The following TMPRSS15 variants were observed in gnomAD, a reference collection of about 807,000 sequenced individuals.
TMPRSS15 encodes the protein transmembrane serine protease 15.
In TMPRSS15, 128 loss-of-function variants were observed where a neutral mutation model predicts 125.3. The ratio of observed to expected loss-of-function variants is 1.02; its 90% CI spans 0.89 to 1.18. The LOEUF (loss-of-function observed/expected upper bound fraction) is 1.18, where lower values mean the gene tolerates loss of function less well. Ranked by LOEUF, TMPRSS15 falls within the 50% of genes most tolerant of loss-of-function variation. The pLI is 0.00. For missense variants in TMPRSS15, 1,283 were observed against 1,212.7 expected, an observed-to-expected ratio of 1.06 and a Z score of -0.86; for synonymous variants, 446 against 423.2, an observed-to-expected ratio of 1.05 and a Z score of -0.66.
At chr21:18,466,404 G>A (rs1361110341) in intron 1 of TMPRSS15, among the ~76,000 whole-genome samples, 2 of 151,716 alleles carry the variant, frequency 1.3e-5, no homozygotes, top group Non-Finnish European at 2.9e-5. Flanking sequence ...AAGCCAAAAT[G>A]GACAAATGGG....
chr21:18,353,939 A>G (rs753268253), intron 8 of TMPRSS15, 76 bp from the exon 9 acceptor site: 4 of 1,403,652 alleles, frequency 2.8e-6, no homozygotes, highest in Non-Finnish European at 4.0e-6. Flanking sequence ...CAGTCCATCT[A>G]CTGAACTATC....
At chr21:18,401,495 C>T (rs562804901) in intron 1 of TMPRSS15, among the ~76,000 whole-genome samples, 12 of 152,056 alleles carry the variant, frequency 7.9e-5, no homozygotes, top group African/African-American at 2.9e-4. Context: ...AAAACAAATA[C>T]CACATGTTCT....
At chr21:18,468,245 A>G (rs539524728) in intron 1 of TMPRSS15, among the ~76,000 whole-genome samples, 2 of 152,200 alleles carry the variant, frequency 1.3e-5, no homozygotes, top group Admixed American at 6.5e-5. Context: ...TCCTTTTGTG[A>G]TATCAGTGAA....
At chr21:18,349,197 T>C (rs932430699) in intron 10 of TMPRSS15, among the ~76,000 whole-genome samples, 1 of 152,220 alleles carries the variant, frequency 6.6e-6, no homozygotes, top group Non-Finnish European at 1.5e-5. Context: ...ATTTCTGAAG[T>C]TTCCACATAT....
chr21:18,422,349 A>C (rs2824818), intron 1 of TMPRSS15, among the ~76,000 whole-genome samples: 62,750 of 151,580 alleles, frequency 0.41, 13,408 homozygotes, highest in Middle Eastern at 0.5. Flanking sequence ...TGACTTGATA[A>C]TTTACCTTCT....
intron 1 of TMPRSS15, among the ~76,000 whole-genome samples, chr21:18,412,505 A>C (rs1426161583): frequency 2.0e-5 from 3 of 152,192 alleles, no homozygotes; most frequent in Non-Finnish European, 4.4e-5. Flanking sequence ...CCAAGTAAAA[A>C]TTTGCATTTC....
intron 8 of TMPRSS15, among the ~76,000 whole-genome samples, chr21:18,354,780 C>T (rs1053138474): frequency 1.3e-5 from 2 of 151,634 alleles, no homozygotes; most frequent in Admixed American, 6.6e-5. Context: ...ACAAACAATG[C>T]ATTAGCATTT....
chr21:18,402,993 T>C (rs2076111040), intron 1 of TMPRSS15, among the ~76,000 whole-genome samples: 1 of 152,228 alleles, frequency 6.6e-6, no homozygotes, highest in African/African-American at 2.4e-5. Context: ...ATCCAAGTTA[T>C]TTTATATTAG....
At chr21:18,380,650 T>A in intron 4 of TMPRSS15, 5 of 461,542 alleles carry the variant, frequency 1.1e-5, no homozygotes, top group Non-Finnish European at 2.3e-5. Context: ...AAACATTGAG[T>A]ACACCTTGAA....
chr21:18,346,974 A>G (rs2075515615), intron 10 of TMPRSS15, among the ~76,000 whole-genome samples: 2 of 152,214 alleles, frequency 1.3e-5, no homozygotes, highest in Non-Finnish European at 2.9e-5. Context: ...ATTTCCATAG[A>G]GCACTTCTGC....
chr21:18,353,992 T>C, intron 8 of TMPRSS15, 129 bp from the exon 9 acceptor site: 2 of 767,522 alleles, frequency 2.6e-6, no homozygotes, highest in Non-Finnish European at 4.3e-6. Flanking sequence ...TGATACCACT[T>C]AGTTAACTAA....
At chr21:18,414,573 T>C (rs76940352) in intron 1 of TMPRSS15, among the ~76,000 whole-genome samples, 1 of 152,208 alleles carries the variant, frequency 6.6e-6, no homozygotes, top group Non-Finnish European at 1.5e-5. Flanking sequence ...GTTTGACTAT[T>C]GTAGATACCT....
chr21:18,310,141 AGAACTG>A (rs2075083836), intron 18 of TMPRSS15, among the ~76,000 whole-genome samples: 1 of 152,198 alleles, frequency 6.6e-6, no homozygotes, highest in Admixed American at 6.6e-5. Context: ...TTTTCTTCTA[AGAACTG>A]GAACAAGACA....
At chr21:18,448,337 G>A (rs2076259894) in intron 1 of TMPRSS15, among the ~76,000 whole-genome samples, 1 of 152,124 alleles carries the variant, frequency 6.6e-6, no homozygotes, top group African/African-American at 2.4e-5. Context: ...TAAGAATGCA[G>A]ACTCTGGAGT....
chr21:18,300,993 G>T (rs2074966204), intron 18 of TMPRSS15, among the ~76,000 whole-genome samples: 1 of 152,132 alleles, frequency 6.6e-6, no homozygotes, highest in African/African-American at 2.4e-5. Context: ...CTTATTTTCT[G>T]AGATGATCTT....
At chr21:18,435,699 A>G (rs2123220577) in intron 1 of TMPRSS15, among the ~76,000 whole-genome samples, 1 of 152,244 alleles carries the variant, frequency 6.6e-6, no homozygotes, top group East Asian at 1.9e-4. Context: ...TAGTTTCAGA[A>G]GGAATGGTAC....
At chr21:18,399,795 T>C (rs534246000) in intron 1 of TMPRSS15, among the ~76,000 whole-genome samples, 1 of 152,172 alleles carries the variant, frequency 6.6e-6, no homozygotes, top group South Asian at 2.1e-4. Context: ...AAAAAAAGTA[T>C]AAAAAATGTT....
At chr21:18,406,774 T>C (rs1486051903), upstream of TMPRSS15, among the ~76,000 whole-genome samples, 2 of 152,154 alleles carry the variant, frequency 1.3e-5, no homozygotes, top group Non-Finnish European at 2.9e-5. Context: ...CAATCTGACC[T>C]CCAAATTCTC....
chr21:18,437,919 G>A (rs565456974), intron 1 of TMPRSS15, among the ~76,000 whole-genome samples: 11 of 151,722 alleles, frequency 7.3e-5, no homozygotes, highest in Non-Finnish European at 1.3e-4. Context: ...TCAGTGTGGC[G>A]ATTCCTCAGG....
Sources: gnomAD v4.1 joint callset for allele counts (sites outside exome capture counted in the v4.1 genomes callset) on GRCh38, gnomAD v4.1.1 for gene constraint, MANE v1.5 for transcripts, NCBI Gene and HGNC (gene_info 2026-07-23, HGNC 2026-07-21) for gene names.